POLE3: variants seen among roughly 807,000 people sequenced by gnomAD.
The protein encoded by POLE3 is DNA polymerase epsilon subunit 3.
In POLE3, 10 loss-of-function variants were observed where a neutral mutation model predicts 16.1. That is an observed-to-expected ratio of 0.62 (90% CI 0.38 to 1.05). The LOEUF is 1.05. Among genes scored for constraint, POLE3 ranks in the 50% least tolerant of loss-of-function variants. The pLI is 0.01. For synonymous variants in POLE3, 83 were observed against 71.0 expected, an observed-to-expected ratio of 1.17 and a Z score of -0.85; for missense variants, 169 against 185.0, an observed-to-expected ratio of 0.91 and a Z score of 0.50.
At chr9:113,410,451 T>TC (rs1383052106) in intron 1 of POLE3, 43 bp from the exon 2 acceptor site, 13 of 641,884 alleles carry the variant, frequency 2.0e-5, no homozygotes, top group South Asian at 3.7e-5. Context: ...GCCTCCCTCC[T>TC]CCCCCCACAG....
rs779452088 is a variant in POLE3, at chr9:113,408,974, C to A, written c.281G>T (p.Arg94Leu). 29 of 1,613,626 alleles carry A rather than the reference C, an allele frequency of 1.8e-5. No homozygotes were observed. In the East Asian group the frequency reaches 4.9e-4, roughly 27 times the overall value. Residue 94 changes from arginine (R) to leucine (L), a missense_variant, in exon 5 of 5, where the codon CGG (arginine) becomes CTG (leucine). Transcript: ENST00000374171. ...GGCCTCCTTCTTGCCTTTCTGCTCCCGCCTATATGCTGTAAGGACGGAACA... is the reference window on the plus strand; with the variant it reads ...GGCCTCCTTCTTGCCTTTCTGCTCCAGCCTATATGCTGTAAGGACGGAACA... ...PLKEALEAYR[R>L]EQKGKKEASE...
At chr9:113,409,176 A>G (rs942405538) in intron 4 of POLE3, among the ~76,000 whole-genome samples, 193 bp from the exon 5 acceptor site, 30 of 152,054 alleles carry the variant, frequency 2.0e-4, no homozygotes, top group Admixed American at 6.5e-4. Context: ...AGCCTGGCCA[A>G]TATGGTGAAA....
Position 113,410,270 on chromosome 9 carries a change from T to G in POLE3, c.24A>C (p.Leu8=). The G allele has an allele frequency of 3.1e-6, 5 of 1,613,772 alleles. No individual in the cohort carries two copies. The South Asian group carries it at 5.5e-5, about 18-fold the overall frequency. Residue 8 remains leucine, a synonymous_variant, in exon 2 of 5, where the codon CTA becomes CTC. Transcript: ENST00000374171. MAERPED[L]NLPNAVITRI... ...TGGTGATCACGGCATTGGGCAGGTT[T>G]AGGTCCTCGGGCCTCTCCGCCATTG... is the stretch of plus-strand genomic sequence containing the variant.
chr9:113,409,660 T>G lies in POLE3; in HGVS notation c.221A>C (p.Glu74Ala). The change falls in exon 4 of 5, where the codon GAA (glutamate) becomes GCA (alanine). Residue 74 changes from glutamate to alanine, a missense_variant. Coordinates refer to ENST00000374171, the MANE Select transcript of POLE3 (RefSeq NM_017443.5). ...AACGAACCGCTGGAACTCCATCTCTTCCATGGCTGAGAGCACATCACTGGC... is the reference window on the plus strand; with the variant it reads ...AACGAACCGCTGGAACTCCATCTCTGCCATGGCTGAGAGCACATCACTGGC... ...LNASDVLSAM[E>A]EMEFQRFVTP... is the part of the protein sequence containing the mutation. 6.2e-7 allele frequency: 1 copy of G among 1,613,796 alleles called. No individual in the cohort carries two copies. The highest frequency in any genetic ancestry group is 1.1e-5 in the South Asian group (1 of 91,072).
rs1341988842 is a variant in POLE3, at chr9:113,408,365, A to C, written c.*446T>G. On this transcript the variant is annotated 3_prime_UTR_variant, in exon 5 of 5. Transcript: ENST00000374171. ...TCTTAGTAAGCTACTATTGTCAAAG[A>C]CTGTGCAATCAAACATAGGCTGACC... 1 of 155,460 alleles carries C rather than the reference A, an allele frequency of 6.4e-6. No homozygotes were observed. The highest frequency in any genetic ancestry group is 6.3e-5 in the Admixed American group (1 of 15,850). 9.6% of individuals were successfully genotyped at this position (155,460 alleles called of 1,614,324 possible).
At position 113,409,965 on chromosome 9, in the gene POLE3, G is replaced by A. The variant is rs139921564; in HGVS notation, c.152+90C>T. 1.8e-4 allele frequency: 194 copies of A among 1,068,498 alleles called. No individual in the cohort carries two copies. In the East Asian group the frequency reaches 2.9e-3, roughly 16 times the overall value. The allele number at this position is 1,068,498 out of a possible 1,614,324, so 66.2% of individuals were successfully genotyped here. On this transcript the variant is annotated intron_variant, in intron 3 of 4. Transcript: ENST00000374171. ...GACTGTGAACATGTCCCCACCGAGG[G>A]AGAACACAATCGTTGGGGTTTGTAG... is the stretch of plus-strand genomic sequence containing the variant.
At position 113,409,682 on chromosome 9, in the gene POLE3, T is replaced by C; in HGVS notation, c.199A>G (p.Ser67Gly). The C allele has an allele frequency of 6.2e-7, 1 of 1,613,856 alleles. No individual in the cohort carries two copies. Among genetic ancestry groups the C allele is most frequent in the Non-Finnish European group, 8.5e-7 (1 of 1,179,762 alleles). The change falls in exon 4 of 5, where the codon AGT becomes GGT. Residue 67 changes from serine to glycine, a missense_variant. By Grantham distance (56) the Ser-to-Gly change is moderately conservative. Transcript: ENST00000374171. The part of the protein sequence containing the change: ...MKGKRKTLNA[S>G]DVLSAMEEME... The stretch of plus-strand genomic sequence containing the variant: ...TCTTCCATGGCTGAGAGCACATCAC[T>C]GGCATTCAGCGTCTTCCGCTTTCCT...
At chr9:113,409,780 G>A in intron 3 of POLE3, 52 bp from the exon 4 acceptor site, 2 of 1,197,324 alleles carry the variant, frequency 1.7e-6, no homozygotes, top group Non-Finnish European at 2.5e-6. Context: ...AGGCGTGAGT[G>A]GGAAAAGGAG....
chr9:113,410,228 C>T lies in POLE3; in HGVS notation c.66G>A (p.Ala22=). ...CGTCCGCCCCCCCCGAGCTGCTCACCGCCTCCTTGATGATCCTGGTGATCA... is the reference window on the plus strand; with the variant it reads ...CGTCCGCCCCCCCCGAGCTGCTCACTGCCTCCTTGATGATCCTGGTGATCA... The part of the protein sequence containing the change: ...NAVITRIIKE[A]LPDGVNISKE... Residue 22 remains alanine (A), a splice_region_variant and synonymous_variant, in exon 2 of 5, where the codon GCG becomes GCA. Transcript: ENST00000374171. 2 of 1,613,680 alleles carry T rather than the reference C, an allele frequency of 1.2e-6. No homozygotes were observed. The highest frequency in any genetic ancestry group is 8.5e-7 in the Non-Finnish European group (1 of 1,179,966).
Position 113,410,236 on chromosome 9 carries a change from T to C in POLE3, c.58A>G (p.Lys20Glu). The C allele has an allele frequency of 6.2e-7, 1 of 1,613,792 alleles. No homozygotes were observed. Among genetic ancestry groups the C allele is most frequent in the South Asian group, 1.1e-5 (1 of 91,018 alleles). ...LPNAVITRII[K>E]EALPDGVNIS... ...CCCCCCGAGCTGCTCACCGCCTCCT[T>C]GATGATCCTGGTGATCACGGCATTG... The change falls in exon 2 of 5, where the codon AAG becomes GAG. Residue 20 changes from lysine to glutamate, a missense_variant. Coordinates refer to ENST00000374171, the MANE Select transcript of POLE3 (RefSeq NM_017443.5).
chr9:113,410,214 C>A lies in POLE3; in HGVS notation c.66+14G>T, dbSNP rs34682882. Reference sequence around the variant, plus strand: ...CCCTCCTGCCCGTTCGTCCGCCCCCCCCGAGCTGCTCACCGCCTCCTTGAT... The same window carrying A: ...CCCTCCTGCCCGTTCGTCCGCCCCCACCGAGCTGCTCACCGCCTCCTTGAT... On this transcript the variant is annotated intron_variant, in intron 2 of 4. Transcript: ENST00000374171. 2.9e-5 allele frequency: 46 copies of A among 1,613,282 alleles called. No homozygotes were observed. The African/African-American group carries it at 4.8e-4, about 17-fold the overall frequency.
chr9:113,409,298 T>A (rs533559047), intron 4 of POLE3, among the ~76,000 whole-genome samples: 2 of 140,046 alleles, frequency 1.4e-5, no homozygotes, highest in East Asian at 4.2e-4. Flanking sequence ...AGGAGGAGAC[T>A]GCGGTGAGCT....
At chr9:113,409,967 G>T in intron 3 of POLE3, 88 bp downstream of exon 3, 1 of 1,094,778 alleles carries the variant, frequency 9.1e-7, no homozygotes, top group South Asian at 1.4e-5. Context: ...CACCGAGGGA[G>T]AACACAATCG....
chr9:113,409,633 G>T lies in POLE3; in HGVS notation c.248C>A (p.Thr83Asn). The change falls in exon 4 of 5, where the codon ACC becomes AAC. Residue 83 changes from threonine (T) to asparagine (N), a missense_variant. By Grantham distance (65) the Thr-to-Asn change is moderately conservative. Coordinates refer to ENST00000374171, the MANE Select transcript of POLE3 (RefSeq NM_017443.5). ...ACCTTCCAGAGCTTCTTTCAATGGG[G>T]TAACGAACCGCTGGAACTCCATCTC... is the stretch of plus-strand genomic sequence containing the variant. ...MEEMEFQRFV[T>N]PLKEALEAYR... The T allele has an allele frequency of 6.2e-7, 1 of 1,607,612 alleles. No individual in the cohort carries two copies. Among genetic ancestry groups the T allele is most frequent in the Non-Finnish European group, 8.5e-7 (1 of 1,174,156 alleles).
In POLE3 at chr9:113,408,856, C is replaced by G. The variant is rs758060707; in HGVS notation, c.399G>C (p.Arg133Ser). The change falls in exon 5 of 5, where the codon AGG (arginine) becomes AGC (serine). Residue 133 changes from arginine to serine, a missense_variant. Coordinates refer to ENST00000374171, the MANE Select transcript of POLE3 (RefSeq NM_017443.5). ...CTTCATTCTGTTCTTCTTCTTCCAG[C>G]CTTTCTTCGTCTTCATCATTGTCCT... Reference protein sequence around the residue: ...RDEDNDEDEERLEEEEQNEEE... With the variant: ...RDEDNDEDEESLEEEEQNEEE... The G allele has an allele frequency of 6.2e-6, 10 of 1,613,392 alleles. No homozygotes were observed. The highest frequency in any genetic ancestry group is 8.5e-6 in the Non-Finnish European group (10 of 1,179,610).
chr9:113,409,526 G>A (rs1227739307), intron 4 of POLE3, 84 bp downstream of exon 4: 1 of 819,312 alleles, frequency 1.2e-6, no homozygotes, highest in Admixed American at 1.8e-5. Flanking sequence ...AAAGGGACCC[G>A]CGCTGAGAAG....
At chr9:113,409,820 T>A in intron 3 of POLE3, 92 bp from the exon 4 acceptor site, 1 of 899,280 alleles carries the variant, frequency 1.1e-6, no homozygotes, top group Non-Finnish European at 1.8e-6. Flanking sequence ...AAAGCCTGCC[T>A]CTTACATGTA....
chr9:113,410,564 C>T, intron 1 of POLE3, 53 bp downstream of exon 1: 1 of 557,000 alleles, frequency 1.8e-6, no homozygotes, highest in South Asian at 2.2e-5. Flanking sequence ...GCACGCCCCT[C>T]CCCAGGTCCA....
intron 3 of POLE3, 151 bp downstream of exon 3, chr9:113,409,904 G>A: frequency 4.0e-6 from 3 of 759,266 alleles, no homozygotes; most frequent in Admixed American, 2.6e-5. Flanking sequence ...ATTTTGTTGT[G>A]TTATTTTGCT....
Sources: gnomAD v4.1 joint callset for allele counts (sites outside exome capture counted in the v4.1 genomes callset) on GRCh38, gnomAD v4.1.1 for gene constraint, MANE v1.5 for transcripts, NCBI Gene and HGNC (gene_info 2026-07-23, HGNC 2026-07-21) for gene names.